Variants in STK36 observed in about 807,000 individuals in gnomAD.
STK36 encodes the protein serine/threonine-protein kinase 36.
STK36 carries 116 observed loss-of-function variants against 142.2 expected under a neutral mutation model. That is an observed-to-expected ratio of 0.82 (90% CI 0.70 to 0.95). STK36 has a LOEUF of 0.95. Among genes scored for constraint, STK36 ranks in the 40% least tolerant of loss-of-function variants. STK36 has a pLI of 0.00. For synonymous variants in STK36, 619 were observed against 641.7 expected (o/e 0.96, Z 0.53); for missense variants, 1,422 against 1,617.2 (o/e 0.88, Z 2.07).
At chr2:218,699,980 A>G (rs960318107) in intron 26 of STK36, among the ~76,000 whole-genome samples, 3 of 151,262 alleles carry the variant, frequency 2.0e-5, no homozygotes, top group Non-Finnish European at 4.4e-5. Flanking sequence ...GCCGGAGTGC[A>G]TGGCATGATC....
intron 11 of STK36, 152 bp downstream of exon 11, chr2:218,685,380 A>G (rs766050813): frequency 4.4e-5 from 45 of 1,021,182 alleles, no homozygotes; most frequent in Non-Finnish European, 6.0e-5. Context: ...AACCTCCTTT[A>G]GTAACACAGA....
Position 218,688,846 on chromosome 2 carries a change from G to T in STK36, c.1530G>T (p.Arg510Ser), listed in dbSNP as rs1940883209. Reference protein sequence around the residue: ...GLPGLLLSLLRHSQESNSLQQ... With the variant: ...GLPGLLLSLLSHSQESNSLQQ... ...CTGGGCTGCTGCTGAGTCTACTCAG[G>T]CACAGTCAGGAGAGCAACAGCCTCC... The change falls in exon 12 of 27, where the codon AGG becomes AGT. Residue 510 changes from arginine to serine, a missense_variant. By Grantham distance (110) the Arg-to-Ser change is moderately radical. Around this residue, in one of 2 missense-constraint regions of STK36, gnomAD observed 962 missense variants for 1,167.5 expected, o/e 0.82. Coordinates refer to ENST00000295709, the MANE Select transcript of STK36 (RefSeq NM_015690.5). 2 of 1,612,532 alleles carry T rather than the reference G, an allele frequency of 1.2e-6. No individual in the cohort carries two copies. Among genetic ancestry groups the T allele is most frequent in the Non-Finnish European group, 1.7e-6 (2 of 1,179,658 alleles).
At position 218,694,566 on chromosome 2, in the gene STK36, G is replaced by A. The variant is rs1575140196; in HGVS notation, c.2442G>A (p.Gly814=). 5 of 1,614,228 alleles carry A rather than the reference G, an allele frequency of 3.1e-6. No individual in the cohort carries two copies. Among genetic ancestry groups the A allele is most frequent in the Non-Finnish European group, 4.2e-6 (5 of 1,180,038 alleles). ...ACLLGQLGQQ[G]VTFDLQPMEW... ...TATTGGGACAGCTTGGTCAGCAAGGGGTGACCTTTGACCTCCAGCCCATGG... is the reference window on the plus strand; with the variant it reads ...TATTGGGACAGCTTGGTCAGCAAGGAGTGACCTTTGACCTCCAGCCCATGG... The change falls in exon 21 of 27, where the codon GGG becomes GGA. Residue 814 remains glycine (G), a synonymous_variant. Transcript: ENST00000295709. This position sits in a 1 kb window ranked among gnomAD's most constrained non-coding sequence, Gnocchi z 4.4.
At chr2:218,684,608 G>A in intron 10 of STK36, 1 of 152,088 alleles carries the variant, frequency 6.6e-6, no homozygotes, top group Non-Finnish European at 1.5e-5. Context: ...TTCATAGAGA[G>A]GGGGGTTTCA....
chr2:218,673,927 G>C lies in STK36; in HGVS notation c.274G>C (p.Glu92Gln). ...YAEGELFQILEDDGKLPEDQV... is the reference protein window; with the variant it reads ...YAEGELFQILQDDGKLPEDQV... ...TGAGGGAGAGCTCTTTCAGATCCTA[G>C]AAGATGACGGAAAACTTCCTGAAGA... Residue 92 changes from glutamate to glutamine, a missense_variant, in exon 4 of 27, where the codon GAA (glutamate) becomes CAA (glutamine). Physicochemically the swap from Glu to Gln is conservative, Grantham distance 29. This residue lies in a region of STK36 where 460 missense variants were observed against 449.6 expected (regional missense o/e 1.02). Coordinates refer to ENST00000295709, the MANE Select transcript of STK36 (RefSeq NM_015690.5). The C allele has an allele frequency of 6.2e-7, 1 of 1,614,110 alleles. No homozygotes were observed. Among genetic ancestry groups the C allele is most frequent in the Non-Finnish European group, 8.5e-7 (1 of 1,180,028 alleles).
intron 25 of STK36, among the ~76,000 whole-genome samples, 162 bp from the exon 26 acceptor site, chr2:218,698,440 G>T (rs1196718913): frequency 2.0e-5 from 3 of 152,058 alleles, no homozygotes; most frequent in African/African-American, 7.2e-5. Flanking sequence ...GCTCTCTCAG[G>T]CTCCACGTTG....
rs770589844 is a variant in STK36, at chr2:218,676,279, G to T, written c.684+1G>T. 2 of 1,613,948 alleles carry T rather than the reference G, an allele frequency of 1.2e-6. No individual in the cohort carries two copies. Among genetic ancestry groups the T allele is most frequent in the Non-Finnish European group, 1.7e-6 (2 of 1,179,838 alleles). On this transcript the variant is annotated splice_donor_variant, in intron 6 of 26. Transcript: ENST00000295709. LOFTEE classifies it high-confidence loss of function. ...CTCAACCATCAGTCCCTGCTTTAAG[G>T]TAATGAATATTGAAAGGGAGATGAC...
rs1941476617 is a variant in STK36 at position 218,702,496 on chromosome 2, T to C, written c.*487T>C. The C allele has an allele frequency of 6.5e-6, 1 of 153,872 alleles. No homozygotes were observed. The highest frequency in any genetic ancestry group is 1.4e-5 in the Non-Finnish European group (1 of 69,314). The allele number at this position is 153,872 out of a possible 1,614,324, so 9.5% of individuals were successfully genotyped here. A position where few individuals can be genotyped will look rare whatever the true frequency, so the allele number is the denominator to read the frequency against. Reference sequence around the variant, plus strand: ...TTGAGGGATTATCCCTTAGCCAACATTCCTATCTGTGGGTGGGCGTGGAGA... The same window carrying C: ...TTGAGGGATTATCCCTTAGCCAACACTCCTATCTGTGGGTGGGCGTGGAGA... On this transcript the variant is annotated 3_prime_UTR_variant, in exon 27 of 27. Coordinates refer to ENST00000295709, the MANE Select transcript of STK36 (RefSeq NM_015690.5).
chr2:218,699,307 A>G lies in STK36; in HGVS notation c.3763A>G (p.Ile1255Val), dbSNP rs1391332039. ...GCCAAATGTGAAGGAGGCTGCCCTCATTGCCCTCCGGAGCCTGCAACAGGA... is the reference window on the plus strand; with the variant it reads ...GCCAAATGTGAAGGAGGCTGCCCTCGTTGCCCTCCGGAGCCTGCAACAGGA... Reference protein sequence around the residue: ...PQPNVKEAALIALRSLQQEPG... With the variant: ...PQPNVKEAALVALRSLQQEPG... The change falls in exon 26 of 27, where the codon ATT becomes GTT. Residue 1255 changes from isoleucine (I) to valine (V), a missense_variant. Coordinates refer to ENST00000295709, the MANE Select transcript of STK36 (RefSeq NM_015690.5). 7 of 1,613,874 alleles carry G rather than the reference A, an allele frequency of 4.3e-6. No homozygotes were observed. Among genetic ancestry groups the G allele is most frequent in the East Asian group, 2.2e-5 (1 of 44,894 alleles).
rs1347272458 is a variant in STK36, at chr2:218,698,929, A to C, written c.3385A>C (p.Thr1129Pro). 6.2e-7 allele frequency: 1 copy of C among 1,613,996 alleles called. No homozygotes were observed. The highest frequency in any genetic ancestry group is 1.7e-5 in the Admixed American group (1 of 60,004). The change falls in exon 26 of 27, where the codon ACT becomes CCT. Residue 1129 changes from threonine to proline, a missense_variant. Thr to Pro is a conservative substitution (Grantham distance 38, BLOSUM62 -1). This residue lies in a region of STK36 where 962 missense variants were observed against 1,167.5 expected (regional missense o/e 0.82). Coordinates refer to ENST00000295709, the MANE Select transcript of STK36 (RefSeq NM_015690.5). The part of the protein sequence containing the change: ...GHPENSVRAH[T>P]YRLLGHLLQH... The stretch of plus-strand genomic sequence containing the variant: ...CCCAGAGAATTCTGTGCGGGCACAC[A>C]CTTATAGGCTCCTGGGACACTTGCT...
rs1278017804 is a variant in STK36, at chr2:218,679,529, ATCATGTCTTCC to A, written c.779-28_779-18del. 3.1e-6 allele frequency: 5 copies of A among 1,603,186 alleles called. No homozygotes were observed. Among genetic ancestry groups the A allele is most frequent in the Non-Finnish European group, 4.3e-6 (5 of 1,174,210 alleles). Reference sequence around the variant, plus strand: ...GGACACAGGGACTATGGCCCCCATGATCATGTCTTCCTCCTCTTCCCTCCCTGCAGTAATAA... The same window carrying A: ...GGACACAGGGACTATGGCCCCCATGATCCTCTTCCCTCCCTGCAGTAATAA... On this transcript the variant is annotated intron_variant, in intron 7 of 26. Coordinates refer to ENST00000295709, the MANE Select transcript of STK36 (RefSeq NM_015690.5).
chr2:218,699,536 G>T (rs938666143), intron 26 of STK36, among the ~76,000 whole-genome samples, 188 bp downstream of exon 26: 2 of 152,154 alleles, frequency 1.3e-5, no homozygotes, highest in Admixed American at 6.5e-5. Context: ...AAGGGAGCTA[G>T]AAGAGGGCTC....
At chr2:218,688,495 TA>T in intron 11 of STK36, 1 of 634,238 alleles carries the variant, frequency 1.6e-6, no homozygotes, top group Non-Finnish European at 2.7e-6. Flanking sequence ...CTGTGTTAGG[TA>T]ACCTGACCAT....
chr2:218,688,948 C>G (rs1354262122), intron 12 of STK36, 72 bp downstream of exon 12: 1 of 1,437,314 alleles, frequency 7.0e-7, no homozygotes, highest in Non-Finnish European at 9.3e-7. Context: ...ATTCAGATTG[C>G]CATCTCTCTT....
Position 218,697,611 on chromosome 2 carries a change from G to A in STK36, c.2909+1G>A, listed in dbSNP as rs754330683. On this transcript the variant is annotated splice_donor_variant, in intron 24 of 26. Transcript: ENST00000295709. LOFTEE classifies it high-confidence loss of function. ...GCTTCCTGAATCAACTGCGCCAGGC[G>A]TGAGTTTGAGCTAGAAGAGAGCCAC... 61 of 1,613,990 alleles carry A rather than the reference G, an allele frequency of 3.8e-5. No individual in the cohort carries two copies. The highest frequency in any genetic ancestry group is 4.5e-5 in the East Asian group (2 of 44,896).
chr2:218,687,364 T>A (rs1231965911), intron 11 of STK36, among the ~76,000 whole-genome samples: 1 of 152,272 alleles, frequency 6.6e-6, no homozygotes, highest in African/African-American at 2.4e-5. Flanking sequence ...TCTCTTTTCC[T>A]AAGTTTTATA....
chr2:218,693,820 A>G lies in STK36; in HGVS notation c.2246A>G (p.Lys749Arg), dbSNP rs1338095563. 1 of 1,614,202 alleles carries G rather than the reference A, an allele frequency of 6.2e-7. No individual in the cohort carries two copies. Among genetic ancestry groups the G allele is most frequent in the Non-Finnish European group, 8.5e-7 (1 of 1,180,046 alleles). Reference protein sequence around the residue: ...LESLFMLIQGKVKVVDWEEST... With the variant: ...LESLFMLIQGRVKVVDWEEST... The stretch of plus-strand genomic sequence containing the variant: ...TCCCTGTTTATGTTGATTCAGGGCA[A>G]GGTAAGCCAGCTTCCCCTGGCAGCC... Residue 749 changes from lysine (K) to arginine (R), a missense_variant and splice_region_variant, in exon 18 of 27, where the codon AAG becomes AGG. By Grantham distance (26) the Lys-to-Arg change is conservative (BLOSUM62 2). Coordinates refer to ENST00000295709, the MANE Select transcript of STK36 (RefSeq NM_015690.5).
chr2:218,679,413 T>C, intron 7 of STK36, 147 bp from the exon 8 acceptor site: 2 of 1,280,520 alleles, frequency 1.6e-6, no homozygotes, highest in Non-Finnish European at 2.2e-6. Context: ...CCTTTGCCAC[T>C]TCCCTTACAA....
chr2:218,677,978 A>G (rs1276897552), intron 6 of STK36, among the ~76,000 whole-genome samples: 3 of 152,190 alleles, frequency 2.0e-5, no homozygotes, highest in Non-Finnish European at 4.4e-5. Flanking sequence ...TTTTTAGTAG[A>G]GACGGGGTTT....
Sources: allele counts gnomAD v4.1 joint callset (sites outside exome capture counted in the v4.1 genomes callset), GRCh38; gene constraint gnomAD v4.1.1; regional missense constraint gnomAD v4.1.1; non-coding constraint Gnocchi (gnomAD v3.1); transcripts MANE v1.5; gene names NCBI Gene and HGNC (gene_info 2026-07-23, HGNC 2026-07-21).